SEMA4D: variants seen among roughly 807,000 people sequenced by gnomAD.
The protein encoded by SEMA4D is semaphorin 4D.
A neutral mutation model predicts 74.8 loss-of-function variants in SEMA4D; 22 were observed. The observed-to-expected ratio is 0.29, with a 90% CI of 0.21 to 0.42. The LOEUF (loss-of-function observed/expected upper bound fraction) is 0.42. SEMA4D is among the 10% of genes least tolerant of loss of function. The pLI is 1.00. For synonymous variants in SEMA4D, 445 were observed against 463.7 expected (o/e 0.96, Z 0.52); for missense variants, 937 against 1,118.4 (o/e 0.84, Z 2.31).
In SEMA4D at chr9:89,377,630, G is replaced by GAT. The variant is rs1319691762; in HGVS notation, c.*1072_*1073dup. The GAT allele has an allele frequency of 6.6e-6, 1 of 152,280 alleles. No homozygotes were observed. The highest frequency in any genetic ancestry group is 2.4e-5 in the African/African-American group (1 of 41,452). The allele number at this position is 152,280 out of a possible 1,614,324, so 9.4% of individuals were successfully genotyped here. The stretch of plus-strand genomic sequence containing the variant: ...AGTAGTGGGCAGCTCAGTGAGGCTG[G>GAT]ATAGAAAGTCTGGGCAGGCAGTGGG... On this transcript the variant is annotated 3_prime_UTR_variant, in exon 16 of 16. Transcript: ENST00000422704.
chr9:89,450,687 A>AAAAAATG (rs1372309489), intron 2 of SEMA4D: 1 of 981,346 alleles, frequency 1.0e-6, no homozygotes, highest in African/African-American at 1.8e-5. Flanking sequence ...AAAAAAAAAA[A>AAAAAATG]GGCCTCCAAG....
At chr9:89,461,594 A>G (rs1196057753) in intron 1 of SEMA4D, among the ~76,000 whole-genome samples, 2 of 151,974 alleles carry the variant, frequency 1.3e-5, no homozygotes, top group Non-Finnish European at 2.9e-5. Flanking sequence ...TTTCTCCTAT[A>G]CTAGGAGAGT....
chr9:89,399,456 C>G, intron 4 of SEMA4D, 118 bp from the exon 5 acceptor site: 1 of 773,634 alleles, frequency 1.3e-6, no homozygotes, highest in South Asian at 1.6e-5. Context: ...CTGAGATGAT[C>G]AATTCTCAGA....
At chr9:89,399,110 T>C (rs868264273) in intron 5 of SEMA4D, among the ~76,000 whole-genome samples, 166 bp downstream of exon 5, 2 of 152,172 alleles carry the variant, frequency 1.3e-5, no homozygotes, top group Non-Finnish European at 2.9e-5. Flanking sequence ...TACTCAGGAA[T>C]AGAGGGATGA....
intron 4 of SEMA4D, among the ~76,000 whole-genome samples, chr9:89,399,806 T>G (rs1029148419): frequency 1.6e-4 from 25 of 152,006 alleles, no homozygotes; most frequent in African/African-American, 6.0e-4. Context: ...CAGACCAGCC[T>G]GGCCAACATG....
chr9:89,441,164 A>C (rs1249262758), intron 2 of SEMA4D, among the ~76,000 whole-genome samples: 2 of 152,230 alleles, frequency 1.3e-5, no homozygotes, highest in African/African-American at 4.8e-5. Flanking sequence ...AACATGTCCC[A>C]GTCCAAATCA....
intron 1 of SEMA4D, among the ~76,000 whole-genome samples, chr9:89,490,560 T>C (rs780818103): frequency 6.6e-6 from 1 of 152,234 alleles, no homozygotes; most frequent in Non-Finnish European, 1.5e-5. Context: ...TTGTGTTAGA[T>C]GACTCTGCCC....
At chr9:89,372,220 T>G (rs1588122922) in intron 16 of SEMA4D, among the ~76,000 whole-genome samples, 3 of 59,448 alleles carry the variant, frequency 5.0e-5, no homozygotes, top group African/African-American at 7.3e-5. Flanking sequence ...CTGGGGGGTG[T>G]GGTGTGTGTC....
intron 1 of SEMA4D, among the ~76,000 whole-genome samples, chr9:89,462,983 G>GAGGGGAGGGGGGC (rs1857699374): frequency 8.2e-5 from 2 of 24,298 alleles, no homozygotes; most frequent in Non-Finnish European, 2.0e-4. Context: ...GGGGAGCGAG[G>GAGGGGAGGGGGGC]GAGAAAGAGA....
chr9:89,371,966 GGGGTGTGGTGTGTGTC>G (rs779341527), intron 16 of SEMA4D, among the ~76,000 whole-genome samples: 464 of 137,582 alleles, frequency 3.4e-3, no homozygotes, highest in Non-Finnish European at 4.7e-3. Flanking sequence ...TGGTGTGTGT[GGGGTGTGGTGTGTGTC>G]TGGGGTGTGG....
At chr9:89,364,579 C>CAA in intron 16 of SEMA4D, 1 of 160,594 alleles carries the variant, frequency 6.2e-6, no homozygotes. Context: ...GATGGGCTTC[C>CAA]AGCCTTGAGC....
chr9:89,479,396 C>G (rs552905381), intron 1 of SEMA4D, among the ~76,000 whole-genome samples: 1 of 152,226 alleles, frequency 6.6e-6, no homozygotes, highest in African/African-American at 2.4e-5. Flanking sequence ...GCTCTGAGTT[C>G]TAACTCAGTG....
intron 1 of SEMA4D, among the ~76,000 whole-genome samples, chr9:89,494,541 C>T (rs1825864168): frequency 6.6e-6 from 1 of 152,224 alleles, no homozygotes; most frequent in Non-Finnish European, 1.5e-5. Context: ...TAAGGAGTGA[C>T]ATTTCTACTT....
At chr9:89,467,798 G>T (rs1428893358) in intron 1 of SEMA4D, among the ~76,000 whole-genome samples, 2 of 152,136 alleles carry the variant, frequency 1.3e-5, no homozygotes, top group Admixed American at 1.3e-4. Context: ...CCAAAGTGCT[G>T]GGATTACAGA....
At chr9:89,385,836 G>A in intron 13 of SEMA4D, 1 of 909,468 alleles carries the variant, frequency 1.1e-6, no homozygotes, top group Non-Finnish European at 1.3e-6. Context: ...CCAGGGCCAG[G>A]GAGGCAGCCC....
chr9:89,441,547 T>C (rs532145164), intron 2 of SEMA4D, among the ~76,000 whole-genome samples: 2 of 152,268 alleles, frequency 1.3e-5, no homozygotes, highest in Admixed American at 1.3e-4. Flanking sequence ...CCCACATCAC[T>C]GTGTCAGGAT....
chr9:89,457,135 G>A (rs918280829), intron 1 of SEMA4D, among the ~76,000 whole-genome samples: 7 of 152,108 alleles, frequency 4.6e-5, no homozygotes, highest in Non-Finnish European at 8.8e-5. Context: ...CAGGATGGTC[G>A]CTTTCATCTT....
rs578240528 is a variant in SEMA4D at position 89,392,195 on chromosome 9, G to T, written c.622+228C>A. On this transcript the variant is annotated intron_variant, in intron 8 of 15. Transcript: ENST00000422704. ...AGTCTCCCAAATCCATTTTTGGGGG[G>T]TTAGTGGGGAGCTGTCTTAAAACAG... Among the ~76,000 whole-genome samples, 13 of 152,272 alleles carry T rather than the reference G, an allele frequency of 8.5e-5. No individual in the cohort carries two copies. The East Asian group carries it at 1.2e-3, about 14-fold the overall frequency.
chr9:89,364,071 C>T, intron 16 of SEMA4D: 2 of 1,585,504 alleles, frequency 1.3e-6, no homozygotes, highest in Non-Finnish European at 1.7e-6. Context: ...CTTGGGACAA[C>T]TTCCAATTCA....
Sources: allele counts gnomAD v4.1 joint callset (sites outside exome capture counted in the v4.1 genomes callset), GRCh38; gene constraint gnomAD v4.1.1; transcripts MANE v1.5; gene names NCBI Gene and HGNC (gene_info 2026-07-23, HGNC 2026-07-21).